Variants in MAN2B2 observed in about 807,000 individuals in gnomAD.
The protein encoded by MAN2B2 is mannosidase alpha class 2B member 2, also known as epididymis-specific alpha-mannosidase.
A neutral mutation model predicts 117.1 loss-of-function variants in MAN2B2; 106 were observed. That is an observed-to-expected ratio of 0.90 (90% CI 0.77 to 1.06). The LOEUF (loss-of-function observed/expected upper bound fraction) is 1.06. Among genes scored for constraint, MAN2B2 ranks in the 50% least tolerant of loss-of-function variants. The pLI is 0.00. For missense variants in MAN2B2, 1,326 were observed against 1,381.4 expected (o/e 0.96, Z 0.64); for synonymous variants, 544 against 595.1 (o/e 0.91, Z 1.25).
chr4:6,584,503 G>C (rs1726558684), intron 3 of MAN2B2, among the ~76,000 whole-genome samples: 1 of 152,240 alleles, frequency 6.6e-6, no homozygotes, highest in Non-Finnish European at 1.5e-5. Flanking sequence ...GTACTAGACT[G>C]TGAGCAGTTC....
At chr4:6,596,166 AGGCGGGTGTG>A (rs1727075911) in intron 7 of MAN2B2, among the ~76,000 whole-genome samples, 1 of 148,416 alleles carries the variant, frequency 6.7e-6, no homozygotes, top group East Asian at 2.0e-4. Context: ...CGTGGTATCC[AGGCGGGTGTG>A]GGTGGGCGTG....
Position 6,593,163 on chromosome 4 carries a change from C to T in MAN2B2, c.681-10C>T. Reference sequence around the variant, plus strand: ...CGTGTCTTCTGCCCTAACCTTCTGCCCTCGCACAGGTCAGGATTTTACTGG... The same window carrying T: ...CGTGTCTTCTGCCCTAACCTTCTGCTCTCGCACAGGTCAGGATTTTACTGG... On this transcript the variant is annotated splice_polypyrimidine_tract_variant and intron_variant, in intron 5 of 18. Coordinates refer to ENST00000285599, the MANE Select transcript of MAN2B2 (RefSeq NM_015274.3). 3.1e-6 allele frequency: 5 copies of T among 1,613,200 alleles called. No homozygotes were observed. The highest frequency in any genetic ancestry group is 4.2e-6 in the Non-Finnish European group (5 of 1,179,560).
chr4:6,609,606 T>C (rs1314088481), intron 12 of MAN2B2, 192 bp from the exon 13 acceptor site: 1 of 689,166 alleles, frequency 1.5e-6, no homozygotes, highest in African/African-American at 1.8e-5. Flanking sequence ...AGCCCTGCGG[T>C]GTCGGGGAAC....
Position 6,600,628 on chromosome 4 carries a change from G to A in MAN2B2, c.1411G>A (p.Gly471Arg). 1.9e-6 allele frequency: 3 copies of A among 1,613,856 alleles called. No homozygotes were observed. Among genetic ancestry groups the A allele is most frequent in the Non-Finnish European group, 2.5e-6 (3 of 1,180,018 alleles). The change falls in exon 10 of 19, where the codon GGA becomes AGA. Residue 471 changes from glycine to arginine, a missense_variant. By Grantham distance (125) the Gly-to-Arg change is moderately radical (BLOSUM62 -2). Coordinates refer to ENST00000285599, the MANE Select transcript of MAN2B2 (RefSeq NM_015274.3). ...QAPMAASSDA[G>R]PAGHFASVYN... is the part of the protein sequence containing the mutation. ...AGCCTCTTCTCTGTGTGCAGATGCA[G>A]GACCTGCAGGACATTTTGCCTCGGT...
chr4:6,581,800 G>A (rs1389960523), intron 3 of MAN2B2, among the ~76,000 whole-genome samples: 5 of 151,564 alleles, frequency 3.3e-5, no homozygotes, highest in Non-Finnish European at 7.4e-5. Context: ...GGGGCACTGG[G>A]CCTGCCCGTA....
intron 2 of MAN2B2, 70 bp downstream of exon 2, chr4:6,576,794 G>T: frequency 6.3e-7 from 1 of 1,585,028 alleles, no homozygotes; most frequent in East Asian, 2.3e-5. Flanking sequence ...AACTCAATGG[G>T]GCAGTTCTAG....
intron 5 of MAN2B2, among the ~76,000 whole-genome samples, chr4:6,592,860 T>C (rs1726908829): frequency 6.6e-6 from 1 of 152,232 alleles, no homozygotes; most frequent in African/African-American, 2.4e-5. Flanking sequence ...TGCATTAAAA[T>C]ATCATTTATC....
chr4:6,612,412 G>A (rs187641751), intron 15 of MAN2B2, among the ~76,000 whole-genome samples: 1 of 152,340 alleles, frequency 6.6e-6, no homozygotes, highest in East Asian at 1.9e-4. Flanking sequence ...AGGTCCAGGG[G>A]GTGTCAATTA....
At chr4:6,599,123 G>T (rs1203976668) in intron 9 of MAN2B2, among the ~76,000 whole-genome samples, 1 of 152,170 alleles carries the variant, frequency 6.6e-6, no homozygotes. Context: ...TTGAGACAGG[G>T]TCTCGCTGTG....
intron 10 of MAN2B2, 135 bp downstream of exon 10, chr4:6,600,891 G>C (rs1727301882): frequency 8.9e-7 from 1 of 1,127,988 alleles, no homozygotes; most frequent in African/African-American, 1.6e-5. Context: ...CTGAGGCTCA[G>C]AGAAGCAAAG....
chr4:6,614,324 C>G lies in MAN2B2; in HGVS notation c.2670C>G (p.Asn890Lys), dbSNP rs753127136. 4 of 1,614,050 alleles carry G rather than the reference C, an allele frequency of 2.5e-6. No individual in the cohort carries two copies. Among genetic ancestry groups the G allele is most frequent in the Non-Finnish European group, 3.4e-6 (4 of 1,180,024 alleles). ...LSIPGWRYSSNHTEHSQNLRK... is the reference protein window; with the variant it reads ...LSIPGWRYSSKHTEHSQNLRK... ...TCCCTGGCTGGCGCTACAGCTCCAA[C>G]CACACGGAGCACTCTCAGAATCTCC... The change falls in exon 16 of 19, where the codon AAC (asparagine) becomes AAG (lysine). Residue 890 changes from asparagine to lysine, a missense_variant. Asn to Lys is a moderately conservative substitution (Grantham distance 94, BLOSUM62 0). Transcript: ENST00000285599.
Position 6,620,008 on chromosome 4 carries a change from C to A in MAN2B2, c.2896C>A (p.Arg966Ser). Residue 966 changes from arginine to serine, a missense_variant, in exon 18 of 19, where the codon CGC (arginine) becomes AGC (serine). Arg to Ser is a moderately radical substitution (Grantham distance 110). Transcript: ENST00000285599. ...TGTWDLSMLH[R>S]WSWRTGPGRH... ...GACCTGGGATTTGAGCATGCTGCAC[C>A]GCTGGAGCTGGAGGACGGGGCCTGG... is the stretch of plus-strand genomic sequence containing the variant. The A allele has an allele frequency of 6.2e-7, 1 of 1,613,688 alleles. No individual in the cohort carries two copies. Among genetic ancestry groups the A allele is most frequent in the Non-Finnish European group, 8.5e-7 (1 of 1,179,860 alleles).
At chr4:6,581,419 C>T (rs757395823) in intron 3 of MAN2B2, among the ~76,000 whole-genome samples, 5 of 152,124 alleles carry the variant, frequency 3.3e-5, no homozygotes, top group Admixed American at 6.5e-5. Context: ...ACAGAACTGG[C>T]GCTCAAGCCC....
chr4:6,582,951 A>G (rs1478201181), intron 3 of MAN2B2, among the ~76,000 whole-genome samples: 1 of 152,196 alleles, frequency 6.6e-6, no homozygotes, highest in East Asian at 1.9e-4. Context: ...AAGTGACTCC[A>G]ACAAGAAGGA....
chr4:6,595,622 T>A (rs931831228), intron 7 of MAN2B2, among the ~76,000 whole-genome samples: 2 of 152,196 alleles, frequency 1.3e-5, no homozygotes, highest in African/African-American at 4.8e-5. Context: ...GACAATGACA[T>A]TAATCTGTTC....
intron 18 of MAN2B2, chr4:6,620,536 A>C (rs1267133044): frequency 5.7e-6 from 1 of 176,576 alleles, no homozygotes; most frequent in Non-Finnish European, 1.2e-5. Flanking sequence ...GCCTCCCCAG[A>C]GTCACCAACC....
rs1727743902 is a variant in MAN2B2 at position 6,610,959 on chromosome 4, G to A, written c.2339G>A (p.Gly780Asp). 6.2e-7 allele frequency: 1 copy of A among 1,614,176 alleles called. No homozygotes were observed. The highest frequency in any genetic ancestry group is 8.5e-7 in the Non-Finnish European group (1 of 1,180,006). Residue 780 changes from glycine (G) to aspartate (D), a missense_variant, in exon 14 of 19, where the codon GGC (glycine) becomes GAC (aspartate). By Grantham distance (94) the Gly-to-Asp change is moderately conservative. Transcript: ENST00000285599. ...RLVLLSERAH[G>D]ISSQGNGQVE... Reference sequence around the variant, plus strand: ...GTGTTGCTGTCGGAGCGGGCACATGGCATCTCCAGCCAAGGGAATGGGCAG... The same window carrying A: ...GTGTTGCTGTCGGAGCGGGCACATGACATCTCCAGCCAAGGGAATGGGCAG...
In MAN2B2 at chr4:6,611,141, T is replaced by C; in HGVS notation, c.2426T>C (p.Leu809Pro). The C allele has an allele frequency of 1.9e-6, 3 of 1,613,904 alleles. No individual in the cohort carries two copies. The highest frequency in any genetic ancestry group is 2.5e-6 in the Non-Finnish European group (3 of 1,179,998). ...NNFDWDLGYN[L>P]TLNDTSVVHP... ...TTCGACTGGGACCTGGGCTACAACC[T>C]CACGCTGAACGACACCTCAGTCGTC... is the stretch of plus-strand genomic sequence containing the variant. Residue 809 changes from leucine to proline, a missense_variant, in exon 15 of 19, where the codon CTC (leucine) becomes CCC (proline). Leu to Pro is a moderately conservative substitution (Grantham distance 98). Coordinates refer to ENST00000285599, the MANE Select transcript of MAN2B2 (RefSeq NM_015274.3).
In MAN2B2 at chr4:6,579,407, CCAT is replaced by C. The variant is rs1214358286; in HGVS notation, c.391+912_391+914del. Among the ~76,000 whole-genome samples, 46 of 118,306 alleles carry C rather than the reference CCAT, an allele frequency of 3.9e-4. 1 individual carries two copies. Among genetic ancestry groups the C allele is most frequent in the East Asian group, 1.5e-3 (5 of 3,270 alleles). The allele number at this position is 118,306 out of a possible 152,430, so 77.6% of individuals were successfully genotyped here. ...CTACCCTTCACCATCACCACCACCA[CCAT>C]CACCATCACCACCACCATCACCACC... On this transcript the variant is annotated intron_variant, in intron 3 of 18. Coordinates refer to ENST00000285599, the MANE Select transcript of MAN2B2 (RefSeq NM_015274.3).
Sources: gnomAD v4.1 joint callset for allele counts (sites outside exome capture counted in the v4.1 genomes callset) on GRCh38, gnomAD v4.1.1 for gene constraint, MANE v1.5 for transcripts, NCBI Gene and HGNC (gene_info 2026-07-23, HGNC 2026-07-21) for gene names.